Variants in MROH2A observed in about 807,000 individuals in gnomAD.
MROH2A encodes maestro heat like repeat family member 2A.
In MROH2A, 174 loss-of-function variants were observed where a neutral mutation model predicts 200.4. The ratio of observed to expected loss-of-function variants is 0.87; its 90% CI spans 0.77 to 0.98. MROH2A has a LOEUF of 0.98. Among genes scored for constraint, MROH2A ranks in the 50% least tolerant of loss-of-function variants. The pLI, the probability that MROH2A is intolerant of heterozygous loss-of-function variation, is 0.00. For synonymous variants in MROH2A, 829 were observed against 840.4 expected, an observed-to-expected ratio of 0.99 and a Z score of 0.23; for missense variants, 2,045 against 2,139.6, an observed-to-expected ratio of 0.96 and a Z score of 0.87.
At chr2:233,831,891 G>C (rs1242037836) in intron 39 of MROH2A, among the ~76,000 whole-genome samples, 1 of 152,120 alleles carries the variant, frequency 6.6e-6, no homozygotes, top group African/African-American at 2.4e-5. Context: ...AAACCCAGGG[G>C]GCACTTTACC....
chr2:233,786,996 A>T (rs148469559), intron 3 of MROH2A, among the ~76,000 whole-genome samples: 38 of 152,274 alleles, frequency 2.5e-4, no homozygotes, highest in African/African-American at 8.7e-4. Context: ...CTAGGATTTA[A>T]CTTTTTTCCC....
At chr2:233,792,707 A>T in intron 5 of MROH2A, 89 bp from the exon 6 acceptor site, 1 of 778,310 alleles carries the variant, frequency 1.3e-6, no homozygotes, top group Non-Finnish European at 2.2e-6. Flanking sequence ...TAGGGGTTGG[A>T]GGTGGAGGGC....
chr2:233,784,943 C>T (rs1304149946), intron 3 of MROH2A, among the ~76,000 whole-genome samples: 3 of 152,072 alleles, frequency 2.0e-5, no homozygotes, highest in East Asian at 1.9e-4. Flanking sequence ...GTCAGGAGTT[C>T]GAGAGCAGCC....
intron 3 of MROH2A, among the ~76,000 whole-genome samples, chr2:233,783,514 T>G (rs1161267767): frequency 6.6e-6 from 1 of 152,072 alleles, no homozygotes; most frequent in Non-Finnish European, 1.5e-5. Context: ...TGTAGTTGTT[T>G]GTAACTCTAA....
intron 3 of MROH2A, among the ~76,000 whole-genome samples, chr2:233,786,100 G>C (rs1575898043): frequency 6.6e-6 from 1 of 152,076 alleles, no homozygotes; most frequent in Non-Finnish European, 1.5e-5. Flanking sequence ...GTTTTATAAG[G>C]GGTTTCCCCT....
intron 16 of MROH2A, 28 bp from the exon 17 acceptor site, chr2:233,804,023 A>G: frequency 1.3e-6 from 2 of 1,548,014 alleles, no homozygotes; most frequent in Non-Finnish European, 1.7e-6. Context: ...CTCAGGTGCT[A>G]CTTCACTGGA....
intron 7 of MROH2A, among the ~76,000 whole-genome samples, chr2:233,794,086 G>T (rs981282219): frequency 1.3e-5 from 2 of 152,170 alleles, no homozygotes; most frequent in Admixed American, 6.5e-5. Context: ...CTCTACCAGC[G>T]TCTTACCCAT....
chr2:233,809,406 C>A, intron 22 of MROH2A, 128 bp downstream of exon 22: 1 of 1,021,044 alleles, frequency 9.8e-7, no homozygotes, highest in Non-Finnish European at 1.4e-6. Flanking sequence ...ATGCCCAGCA[C>A]GTGGGAAGCC....
At position 233,822,133 on chromosome 2, in the gene MROH2A, A is replaced by G; in HGVS notation, c.3522A>G (p.Ala1174=). 2 of 1,549,300 alleles carry G rather than the reference A, an allele frequency of 1.3e-6. No homozygotes were observed. Among genetic ancestry groups the G allele is most frequent in the South Asian group, 2.4e-5 (2 of 83,958 alleles). The change falls in exon 32 of 42, where the codon GCA becomes GCG. Residue 1174 remains alanine (A), a synonymous_variant. Transcript: ENST00000389758. ...RQPLPMESHL[A]EVWLAVSENV... ...CCCTGACTTTGGTTAGCCACCTGGC[A>G]GAGGTGTGGCTGGCAGTGTCGGAGA...
rs138827174 is a variant in MROH2A at position 233,809,406 on chromosome 2, C to T, written c.2448+128C>T. The T allele has an allele frequency of 5.4e-4, 552 of 1,021,042 alleles. 4 individuals carry two copies. The East Asian group carries it at 0.01, about 19-fold the overall frequency. The allele number at this position is 1,021,042 out of a possible 1,614,324, so 63.2% of individuals were successfully genotyped here. ...CAGGCATCTTACCTGATGCCCAGCA[C>T]GTGGGAAGCCCATTGCCCAAATGTG... On this transcript the variant is annotated intron_variant, in intron 22 of 41. Coordinates refer to ENST00000389758, the MANE Select transcript of MROH2A (RefSeq NM_001394639.1).
rs541041610 is a variant in MROH2A at position 233,779,623 on chromosome 2, T to C, written c.95-48T>C. Reference sequence around the variant, plus strand: ...AGGCCAGGGACACAAGGGCACCTCCTGTCATGGTCATTTCCACACTGCACC... The same window carrying C: ...AGGCCAGGGACACAAGGGCACCTCCCGTCATGGTCATTTCCACACTGCACC... On this transcript the variant is annotated intron_variant, in intron 2 of 41. Transcript: ENST00000389758. 1.5e-4 allele frequency: 228 copies of C among 1,539,562 alleles called. No individual in the cohort carries two copies. The African/African-American group carries it at 2.7e-3, about 18-fold the overall frequency.
intron 19 of MROH2A, among the ~76,000 whole-genome samples, chr2:233,806,965 C>T (rs71423613): frequency 7.8e-4 from 119 of 152,120 alleles, no homozygotes; most frequent in Middle Eastern, 3.4e-3. Flanking sequence ...CCCCTGAGTC[C>T]GCAAAGTCCA....
intron 9 of MROH2A, 25 bp downstream of exon 9, chr2:233,795,770 C>T: frequency 6.4e-7 from 1 of 1,550,902 alleles, no homozygotes; most frequent in Non-Finnish European, 8.7e-7. Flanking sequence ...CTCAGCTGGA[C>T]AAGGGCATTC....
intron 14 of MROH2A, 26 bp downstream of exon 14, chr2:233,800,341 C>G: frequency 1.5e-6 from 2 of 1,372,802 alleles, no homozygotes; most frequent in Non-Finnish European, 2.0e-6. Flanking sequence ...CCCACCCGCA[C>G]AGTGGGTCAC....
At chr2:233,809,462 G>C (rs1703013762) in intron 22 of MROH2A, among the ~76,000 whole-genome samples, 184 bp downstream of exon 22, 1 of 152,082 alleles carries the variant, frequency 6.6e-6, no homozygotes, top group South Asian at 2.1e-4. Context: ...TCATGCAGAG[G>C]GGCTGGGGGG....
chr2:233,787,823 TA>T, intron 3 of MROH2A, among the ~76,000 whole-genome samples: 1 of 19,692 alleles, frequency 5.1e-5, no homozygotes, highest in Non-Finnish European at 1.0e-4. Context: ...ATATATAATA[TA>T]TATTATATAT....
chr2:233,790,458 CT>C lies in MROH2A; in HGVS notation c.571+446del, dbSNP rs1247915618. On this transcript the variant is annotated intron_variant, in intron 5 of 41. Transcript: ENST00000389758. ...CCTTCCTTCCTCCCTCCCCCCCTTC[CT>C]TCCTCCCTCCCTCCTTCCTTCCTCC... 5.6e-4 allele frequency among the ~76,000 whole-genome samples: 22 copies of C among 39,032 alleles called. 3 individuals are homozygous for C. Among genetic ancestry groups the C allele is most frequent in the Non-Finnish European group, 8.8e-4 (22 of 24,938 alleles). 25.6% of individuals were successfully genotyped at this position (39,032 alleles called of 152,430 possible). A position where few individuals can be genotyped will look rare whatever the true frequency, so the allele number is the denominator to read the frequency against.
Position 233,819,191 on chromosome 2 carries a change from C to G in MROH2A, c.3205-126C>G, listed in dbSNP as rs1165867901. ...CTTCTGGCTCAGCCCAGGAGGAGGCCATGGCCATGGTCTGAGAGAGGATAG... is the reference window on the plus strand; with the variant it reads ...CTTCTGGCTCAGCCCAGGAGGAGGCGATGGCCATGGTCTGAGAGAGGATAG... On this transcript the variant is annotated intron_variant, in intron 29 of 41. Transcript: ENST00000389758. 5.0e-6 allele frequency: 5 copies of G among 1,001,826 alleles called. No individual in the cohort carries two copies. The African/African-American group carries it at 6.5e-5, about 13-fold the overall frequency. The allele number at this position is 1,001,826 out of a possible 1,614,324, so 62.1% of individuals were successfully genotyped here.
chr2:233,779,610 C>G, intron 2 of MROH2A, 61 bp from the exon 3 acceptor site: 4 of 1,518,442 alleles, frequency 2.6e-6, no homozygotes, highest in South Asian at 1.2e-5. Context: ...GCCAGGGACA[C>G]AAGGGCACCT....
Sources: gnomAD v4.1 joint callset for allele counts (sites outside exome capture counted in the v4.1 genomes callset) on GRCh38, gnomAD v4.1.1 for gene constraint, MANE v1.5 for transcripts, NCBI Gene and HGNC (gene_info 2026-07-23, HGNC 2026-07-21) for gene names.